Variants in ADAM22 observed in about 807,000 individuals in gnomAD.
The protein encoded by ADAM22 is disintegrin and metalloproteinase domain-containing protein 22.
ADAM22 carries 65 observed loss-of-function variants against 144.6 expected under a neutral mutation model. The observed-to-expected ratio is 0.45, with a 90% CI of 0.37 to 0.55. ADAM22 has a LOEUF of 0.55. Ranked by LOEUF, ADAM22 falls within the 20% of genes least tolerant of loss-of-function variation. ADAM22 has a pLI of 0.00. For missense variants in ADAM22, 974 were observed against 1,184.9 expected, an observed-to-expected ratio of 0.82 and a Z score of 2.61; for synonymous variants, 391 against 412.6, an observed-to-expected ratio of 0.95 and a Z score of 0.63.
At chr7:88,124,225 A>G (rs1000073433) in intron 7 of ADAM22, among the ~76,000 whole-genome samples, 5 of 151,940 alleles carry the variant, frequency 3.3e-5, no homozygotes, top group East Asian at 1.9e-4. Flanking sequence ...ATCCTTAACT[A>G]TAACTTTGAA....
intron 4 of ADAM22, among the ~76,000 whole-genome samples, chr7:88,085,248 A>T (rs1334799535): frequency 1.3e-5 from 2 of 152,130 alleles, no homozygotes; most frequent in Non-Finnish European, 2.9e-5. Context: ...TCAAAGCTAA[A>T]CTCTAAGAGC....
At chr7:88,079,896 T>C (rs189513909) in intron 4 of ADAM22, among the ~76,000 whole-genome samples, 2 of 152,208 alleles carry the variant, frequency 1.3e-5, no homozygotes, top group African/African-American at 4.8e-5. Flanking sequence ...ACAATAATAA[T>C]GGGAGACTTT....
At chr7:88,039,464 A>AAAAAAAAAAAAAAAAAAAATATATATAT in intron 3 of ADAM22, among the ~76,000 whole-genome samples, 18 of 76,376 alleles carry the variant, frequency 2.4e-4, no homozygotes, top group African/African-American at 7.1e-4. Context: ...AAAAAAAAAA[A>AAAAAAAAAAAAAAAAAAAATATATATAT]ATATATATAT....
Position 88,185,713 on chromosome 7 carries a change from C to T in ADAM22, c.2664-902C>T, listed in dbSNP as rs565665774. ...CAAAGGAAACTCTGGGGAAAACCAA[C>T]AACTGAAGACCTCCCTCCAATTTTT... On this transcript the variant is annotated intron_variant, in intron 29 of 31. Coordinates refer to ENST00000413139, the MANE Select transcript of ADAM22 (RefSeq NM_001324418.2). 5 of 152,270 alleles carry T rather than the reference C, an allele frequency of 3.3e-5. No individual in the cohort carries two copies. In the South Asian group the frequency reaches 1.0e-3, roughly 32 times the overall value. The allele number at this position is 152,270 out of a possible 1,614,324, so 9.4% of individuals were successfully genotyped here.
chr7:87,988,623 A>G (rs1029069125), intron 3 of ADAM22, among the ~76,000 whole-genome samples: 10 of 152,300 alleles, frequency 6.6e-5, no homozygotes, highest in Non-Finnish European at 1.3e-4. Context: ...TGACTTACTG[A>G]TAATTATTTC....
intron 2 of ADAM22, among the ~76,000 whole-genome samples, chr7:87,957,928 T>G (rs1339588717): frequency 6.6e-6 from 1 of 152,168 alleles, no homozygotes; most frequent in African/African-American, 2.4e-5. Context: ...AACAATATAT[T>G]ACTGTTTTGT....
chr7:88,016,051 C>T (rs760410765), intron 3 of ADAM22, among the ~76,000 whole-genome samples: 2 of 152,068 alleles, frequency 1.3e-5, no homozygotes, highest in Middle Eastern at 3.4e-3. Context: ...TTTCTGATTG[C>T]TTTCACTGGA....
At chr7:87,974,473 T>A (rs1851404374) in intron 2 of ADAM22, among the ~76,000 whole-genome samples, 2 of 152,086 alleles carry the variant, frequency 1.3e-5, no homozygotes, top group African/African-American at 4.8e-5. Context: ...CACTGCAAGT[T>A]TGGTTTGGGT....
rs1202950784 is a variant in ADAM22, at chr7:88,197,493, G to A, written c.*1002G>A. ...TCCGTCCATCCCATCTCATCCCAGT[G>A]AGCCAGCCCCTCAGCAGTGTGTGCT... is the stretch of plus-strand genomic sequence containing the variant. On this transcript the variant is annotated 3_prime_UTR_variant, in exon 32 of 32. Transcript: ENST00000413139. 1 of 152,170 alleles carries A rather than the reference G, an allele frequency of 6.6e-6. No homozygotes were observed. Among genetic ancestry groups the A allele is most frequent in the Non-Finnish European group, 1.5e-5 (1 of 68,062 alleles). 9.4% of individuals were successfully genotyped at this position (152,170 alleles called of 1,614,324 possible).
chr7:88,076,609 A>G (rs1410608375), intron 4 of ADAM22, among the ~76,000 whole-genome samples: 2 of 152,056 alleles, frequency 1.3e-5, no homozygotes, highest in African/African-American at 2.4e-5. Context: ...CAGAAATCTC[A>G]GGATACTGGT....
chr7:88,139,038 T>C (rs1833847110), intron 14 of ADAM22, among the ~76,000 whole-genome samples: 1 of 152,140 alleles, frequency 6.6e-6, no homozygotes, highest in Admixed American at 6.5e-5. Flanking sequence ...AACTAGACTT[T>C]GACTTCTAAG....
chr7:88,171,322 C>A (rs1025288666), intron 25 of ADAM22, among the ~76,000 whole-genome samples: 3 of 151,832 alleles, frequency 2.0e-5, no homozygotes, highest in African/African-American at 7.2e-5. Context: ...TAAAAGTGGA[C>A]AATTGTTTGA....
intron 21 of ADAM22, among the ~76,000 whole-genome samples, chr7:88,153,870 C>T (rs752224779): frequency 2.6e-5 from 4 of 152,222 alleles, no homozygotes; most frequent in Non-Finnish European, 5.9e-5. Flanking sequence ...AATCCTTCAA[C>T]TATTACAAAA....
chr7:87,999,514 G>A (rs1358783185), intron 3 of ADAM22, among the ~76,000 whole-genome samples: 2 of 152,256 alleles, frequency 1.3e-5, no homozygotes, highest in African/African-American at 4.8e-5. Flanking sequence ...TCTATTCATC[G>A]AAGAATGGTG....
intron 25 of ADAM22, among the ~76,000 whole-genome samples, chr7:88,169,668 T>A (rs1467561731): frequency 2.0e-5 from 3 of 152,110 alleles, no homozygotes; most frequent in Non-Finnish European, 4.4e-5. Flanking sequence ...CACCTCAGCA[T>A]AACATTTGGA....
chr7:88,161,581 C>T (rs1411065838), intron 22 of ADAM22, among the ~76,000 whole-genome samples: 1 of 151,972 alleles, frequency 6.6e-6, no homozygotes, highest in African/African-American at 2.4e-5. Flanking sequence ...TGACAAAGGT[C>T]TAATATCCAG....
intron 29 of ADAM22, among the ~76,000 whole-genome samples, chr7:88,182,877 T>G (rs1188589380): frequency 6.6e-6 from 1 of 152,192 alleles, no homozygotes; most frequent in African/African-American, 2.4e-5. Flanking sequence ...TACTTATTTC[T>G]CACTCTAGCG....
At chr7:87,937,638 G>A (rs935288142) in intron 2 of ADAM22, among the ~76,000 whole-genome samples, 5 of 152,140 alleles carry the variant, frequency 3.3e-5, no homozygotes, top group African/African-American at 1.2e-4. Context: ...CACCACTTGT[G>A]CAGTTTTTTG....
chr7:88,006,940 T>G (rs1464044327), intron 3 of ADAM22, among the ~76,000 whole-genome samples: 1 of 150,822 alleles, frequency 6.6e-6, no homozygotes, highest in Non-Finnish European at 1.5e-5. Context: ...GGTATTCAAT[T>G]AGGAAAAGAG....
Sources: gnomAD v4.1 joint callset for allele counts (sites outside exome capture counted in the v4.1 genomes callset) on GRCh38, gnomAD v4.1.1 for gene constraint, MANE v1.5 for transcripts, NCBI Gene and HGNC (gene_info 2026-07-23, HGNC 2026-07-21) for gene names.